Variants in PPARGC1A observed in about 807,000 individuals in gnomAD.
The protein encoded by PPARGC1A is peroxisome proliferator-activated receptor gamma coactivator 1-alpha.
Under a neutral mutation model 88.7 loss-of-function variants are expected in PPARGC1A, and 25 were observed. That is an observed-to-expected ratio of 0.28 (90% CI 0.21 to 0.39). The LOEUF (loss-of-function observed/expected upper bound fraction) is 0.39, where lower values mean the gene tolerates loss of function less well. Among genes scored for constraint, PPARGC1A ranks in the 10% least tolerant of loss-of-function variants. The pLI is 1.00. For missense variants in PPARGC1A, 880 were observed against 968.7 expected, an observed-to-expected ratio of 0.91 and a Z score of 1.22; for synonymous variants, 363 against 355.6, an observed-to-expected ratio of 1.02 and a Z score of -0.24.
the PPARGC1A span, among the ~76,000 whole-genome samples, chr4:24,401,338 AT>A: frequency 5.3e-5 from 8 of 152,160 alleles, no homozygotes; most frequent in African/African-American, 1.9e-4. Context: ...TTTTCAAAAA[AT>A]ATTAGCATTG....
the PPARGC1A span, among the ~76,000 whole-genome samples, chr4:24,122,440 G>T: frequency 0.016 from 2,149 of 137,684 alleles, 14 homozygotes; most frequent in East Asian, 0.03. Context: ...TATATATAGA[G>T]AGAGAGAGAG....
chr4:24,243,027 T>G, the PPARGC1A span, among the ~76,000 whole-genome samples: 1 of 152,178 alleles, frequency 6.6e-6, no homozygotes, highest in Non-Finnish European at 1.5e-5. Context: ...TATATTTAAT[T>G]AAGGTGAATT....
chr4:23,888,101 G>A (rs896051402), intron 1 of PPARGC1A, among the ~76,000 whole-genome samples: 3 of 152,142 alleles, frequency 2.0e-5, no homozygotes, highest in African/African-American at 4.8e-5. Context: ...AACTGCCAAC[G>A]CTACCTGCTG....
the PPARGC1A span, among the ~76,000 whole-genome samples, chr4:23,951,438 G>A: frequency 6.6e-6 from 1 of 152,128 alleles, no homozygotes; most frequent in Non-Finnish European, 1.5e-5. Flanking sequence ...CCATGAATAG[G>A]AGATATAATG....
chr4:24,377,880 AG>A, the PPARGC1A span, among the ~76,000 whole-genome samples: 1 of 152,218 alleles, frequency 6.6e-6, no homozygotes, highest in Non-Finnish European at 1.5e-5. Flanking sequence ...AGTTGCATGC[AG>A]GGAAAACCTT....
At chr4:24,199,455 A>G in the PPARGC1A span, among the ~76,000 whole-genome samples, 9 of 152,218 alleles carry the variant, frequency 5.9e-5, no homozygotes, top group Admixed American at 3.9e-4. Context: ...GGGAACCACA[A>G]ATGACCCTGG....
chr4:24,155,120 TTG>T, the PPARGC1A span, among the ~76,000 whole-genome samples: 4 of 140,324 alleles, frequency 2.9e-5, no homozygotes, highest in African/African-American at 1.3e-4. Flanking sequence ...AACCTCGGTT[TTG>T]TTTTTTTTTT....
chr4:24,375,678 T>C, the PPARGC1A span, among the ~76,000 whole-genome samples: 1 of 151,980 alleles, frequency 6.6e-6, no homozygotes, highest in East Asian at 1.9e-4. Context: ...TAATTAAAGC[T>C]AGCAAAAACA....
At chr4:24,118,000 G>A in the PPARGC1A span, among the ~76,000 whole-genome samples, 3 of 152,028 alleles carry the variant, frequency 2.0e-5, no homozygotes, top group African/African-American at 7.3e-5. Context: ...AGCTGTGTTA[G>A]GCCAACCCAT....
At chr4:24,430,775 A>C in the PPARGC1A span, among the ~76,000 whole-genome samples, 1 of 152,316 alleles carries the variant, frequency 6.6e-6, no homozygotes, top group South Asian at 2.1e-4. Context: ...ACAAGGCAAG[A>C]GTCCAGAAGA....
chr4:24,208,675 G>GAAA, the PPARGC1A span, among the ~76,000 whole-genome samples: 256 of 126,100 alleles, frequency 2.0e-3, 1 homozygote, highest in South Asian at 4.7e-3. Context: ...ACCAAACTCA[G>GAAA]AAAAAAAATA....
At chr4:24,463,133 T>G in the PPARGC1A span, among the ~76,000 whole-genome samples, 1 of 152,350 alleles carries the variant, frequency 6.6e-6, no homozygotes, top group East Asian at 1.9e-4. Flanking sequence ...TATGTGTTTA[T>G]AATGCATCAC....
At chr4:24,101,951 A>C in the PPARGC1A span, among the ~76,000 whole-genome samples, 9 of 150,548 alleles carry the variant, frequency 6.0e-5, no homozygotes, top group Non-Finnish European at 1.3e-4. Context: ...AGAAAAACAC[A>C]TCCACGCCCT....
At chr4:24,358,699 C>T in the PPARGC1A span, among the ~76,000 whole-genome samples, 2 of 152,158 alleles carry the variant, frequency 1.3e-5, no homozygotes, top group African/African-American at 4.8e-5. Flanking sequence ...TTTGCTATAC[C>T]GCCCATGCCT....
intron 2 of PPARGC1A, among the ~76,000 whole-genome samples, chr4:23,835,466 TTGTGTGTG>T (rs145407468): frequency 9.5e-4 from 128 of 135,364 alleles, no homozygotes; most frequent in East Asian, 2.9e-3. Context: ...GCATGGCGGC[TTGTGTGTG>T]TGTGTGTGTG....
At chr4:24,040,924 T>C in the PPARGC1A span, among the ~76,000 whole-genome samples, 1 of 152,178 alleles carries the variant, frequency 6.6e-6, no homozygotes. Context: ...AACCATCCTT[T>C]AGAAGTAGAA....
chr4:24,272,944 T>A, the PPARGC1A span, among the ~76,000 whole-genome samples: 12 of 152,322 alleles, frequency 7.9e-5, 2 homozygotes, highest in African/African-American at 2.9e-4. Flanking sequence ...GTATGCCAAA[T>A]CAATTAAAAA....
At chr4:23,807,986 A>G (rs961123928) in intron 10 of PPARGC1A, among the ~76,000 whole-genome samples, 4 of 152,162 alleles carry the variant, frequency 2.6e-5, no homozygotes, top group South Asian at 2.1e-4. Context: ...ATTTTCTCCA[A>G]AAAAGAATAA....
the PPARGC1A span, among the ~76,000 whole-genome samples, chr4:24,326,335 G>T: frequency 1.3e-5 from 2 of 151,952 alleles, no homozygotes; most frequent in Non-Finnish European, 2.9e-5. Context: ...AGCCTTACAA[G>T]TTAGTTCAGG....
Sources: allele counts gnomAD v4.1 joint callset (sites outside exome capture counted in the v4.1 genomes callset), GRCh38; gene constraint gnomAD v4.1.1; transcripts MANE v1.5; gene names NCBI Gene and HGNC (gene_info 2026-07-23, HGNC 2026-07-21).